The following UBAC2 variants were observed in gnomAD, a reference collection of about 807,000 sequenced individuals.
UBAC2 encodes ubiquitin-associated domain-containing protein 2.
Under a neutral mutation model 44.0 loss-of-function variants are expected in UBAC2, and 26 were observed. That is an observed-to-expected ratio of 0.59 (90% CI 0.43 to 0.82). The LOEUF is 0.82. Among genes scored for constraint, UBAC2 ranks in the 40% least tolerant of loss-of-function variants. The pLI is 0.00. For missense variants in UBAC2, 329 were observed against 419.4 expected (o/e 0.78, Z 1.88); for synonymous variants, 155 against 154.3 (o/e 1.00, Z -0.04).
chr13:99,351,806 T>C, intron 7 of UBAC2: 2 of 456,318 alleles, frequency 4.4e-6, no homozygotes, highest in Non-Finnish European at 4.4e-6. Context: ...TCCTTGGTGC[T>C]CTTCTTTTAA....
rs780432768 is a variant in UBAC2 at position 99,295,669 on chromosome 13, T to C, written c.390-18428T>C. ...TGAGGAGTGGGAGTGTCTGAGCAAATACTAGAATCCAGACAAATATGCACA... is the reference window on the plus strand; with the variant it reads ...TGAGGAGTGGGAGTGTCTGAGCAAACACTAGAATCCAGACAAATATGCACA... On this transcript the variant is annotated intron_variant, in intron 4 of 8. Transcript: ENST00000403766. This position sits in a 1 kb window ranked among gnomAD's most constrained non-coding sequence, Gnocchi z 4.1. 3.7e-6 allele frequency: 6 copies of C among 1,614,006 alleles called. No homozygotes were observed. Among genetic ancestry groups the C allele is most frequent in the South Asian group, 2.2e-5 (2 of 91,090 alleles).
intron 8 of UBAC2, among the ~76,000 whole-genome samples, chr13:99,372,976 C>T (rs7140092): frequency 9.0e-4 from 136 of 151,920 alleles, no homozygotes; most frequent in African/African-American, 2.9e-3. Flanking sequence ...AAAAATTAGC[C>T]GGGCATGGTG....
intron 4 of UBAC2, among the ~76,000 whole-genome samples, chr13:99,292,985 A>G (rs2044112649): frequency 6.6e-6 from 1 of 152,224 alleles, no homozygotes; most frequent in Non-Finnish European, 1.5e-5. Flanking sequence ...AAAGCTAACT[A>G]ATAACAAGAC....
At chr13:99,372,335 G>C (rs780359014) in intron 8 of UBAC2, 5 of 152,392 alleles carry the variant, frequency 3.3e-5, no homozygotes, top group African/African-American at 9.6e-5. Flanking sequence ...TGGGGAAAGA[G>C]AAGTCTAAAT....
chr13:99,321,469 C>T (rs751213941), intron 6 of UBAC2, among the ~76,000 whole-genome samples: 1 of 152,080 alleles, frequency 6.6e-6, no homozygotes, highest in East Asian at 1.9e-4. Context: ...CCACCAAGCC[C>T]GGCTACTTTT....
chr13:99,360,107 C>T (rs2045245114), intron 7 of UBAC2, among the ~76,000 whole-genome samples: 1 of 152,088 alleles, frequency 6.6e-6, no homozygotes, highest in African/African-American at 2.4e-5. Context: ...CCATTTTACT[C>T]TTTTATGGGG....
At chr13:99,257,810 T>C (rs1034162161) in intron 4 of UBAC2, among the ~76,000 whole-genome samples, 31 of 152,196 alleles carry the variant, frequency 2.0e-4, no homozygotes, top group Non-Finnish European at 8.8e-5. Context: ...TTTCCTTAAG[T>C]TGAAAAAAAT....
chr13:99,224,705 A>G (rs939501177), intron 1 of UBAC2, among the ~76,000 whole-genome samples: 2 of 152,256 alleles, frequency 1.3e-5, no homozygotes, highest in South Asian at 2.1e-4. Flanking sequence ...GCAAATATCA[A>G]TCCCTTTATT....
chr13:99,215,373 TAGAC>T (rs1392487505), intron 1 of UBAC2: 2 of 1,127,200 alleles, frequency 1.8e-6, no homozygotes, highest in African/African-American at 3.0e-5. Flanking sequence ...AGGCATACAT[TAGAC>T]AGTCTTCTGT....
At chr13:99,236,043 A>G (rs2043228833) in intron 1 of UBAC2, among the ~76,000 whole-genome samples, 1 of 152,212 alleles carries the variant, frequency 6.6e-6, no homozygotes, top group South Asian at 2.1e-4. Flanking sequence ...TACTATACAT[A>G]AAAATCAAAT....
chr13:99,364,697 A>G (rs2045308482), intron 7 of UBAC2, among the ~76,000 whole-genome samples: 2 of 152,286 alleles, frequency 1.3e-5, no homozygotes, highest in East Asian at 1.9e-4. Flanking sequence ...TACATGCTAT[A>G]TAATAATAGT....
At chr13:99,315,886 G>A (rs969483444) in intron 5 of UBAC2, among the ~76,000 whole-genome samples, 3 of 151,980 alleles carry the variant, frequency 2.0e-5, no homozygotes, top group Non-Finnish European at 4.4e-5. Flanking sequence ...AAGAGGCACA[G>A]CATGGCCTTC....
At chr13:99,202,724 T>A (rs1438849430) in intron 1 of UBAC2, among the ~76,000 whole-genome samples, 1 of 152,180 alleles carries the variant, frequency 6.6e-6, no homozygotes, top group African/African-American at 2.4e-5. Flanking sequence ...GCAGCTGTCT[T>A]GGCCTGTTTC....
chr13:99,378,720 G>A (rs994392179), intron 8 of UBAC2, among the ~76,000 whole-genome samples: 2 of 152,228 alleles, frequency 1.3e-5, no homozygotes, highest in African/African-American at 4.8e-5. Context: ...TGTCAGGCTT[G>A]CATAGCTGTG....
chr13:99,318,462 C>T (rs1268581446), intron 6 of UBAC2, among the ~76,000 whole-genome samples: 4 of 151,218 alleles, frequency 2.6e-5, no homozygotes, highest in East Asian at 3.9e-4. Flanking sequence ...CCGCTGCACC[C>T]GGCTCTCAAC....
At chr13:99,233,792 C>CT (rs2043202720) in intron 1 of UBAC2, among the ~76,000 whole-genome samples, 1 of 151,862 alleles carries the variant, frequency 6.6e-6, no homozygotes, top group African/African-American at 2.4e-5. Flanking sequence ...TAATTGTAAA[C>CT]TTTTTCACGG....
intron 4 of UBAC2, among the ~76,000 whole-genome samples, chr13:99,297,411 A>G (rs1271300061): frequency 1.3e-5 from 2 of 152,256 alleles, no homozygotes; most frequent in East Asian, 3.9e-4. Context: ...TTCCTTAAAG[A>G]CTATCTCTAC....
intron 5 of UBAC2, among the ~76,000 whole-genome samples, chr13:99,315,101 T>G (rs141806197): frequency 6.6e-6 from 1 of 152,198 alleles, no homozygotes; most frequent in Non-Finnish European, 1.5e-5. Flanking sequence ...TGCTGTCATG[T>G]GTTATCAATG....
intron 4 of UBAC2, among the ~76,000 whole-genome samples, chr13:99,247,179 AAG>A (rs2043393892): frequency 1.4e-5 from 2 of 147,732 alleles, no homozygotes; most frequent in South Asian, 4.3e-4. Context: ...TCAAAAACTA[AAG>A]AGAGAAAACT....
Sources: gnomAD v4.1 joint callset for allele counts (sites outside exome capture counted in the v4.1 genomes callset) on GRCh38, gnomAD v4.1.1 for gene constraint, Gnocchi (gnomAD v3.1) non-coding constraint, MANE v1.5 for transcripts, NCBI Gene and HGNC (gene_info 2026-07-23, HGNC 2026-07-21) for gene names.